The following GLI3 variants were observed in gnomAD, a reference collection of about 807,000 sequenced individuals.
GLI3 encodes transcription activator GLI3.
A neutral mutation model predicts 100.8 loss-of-function variants in GLI3; 20 were observed. The ratio of observed to expected loss-of-function variants is 0.20; its 90% CI spans 0.14 to 0.29. GLI3 has a LOEUF of 0.29. GLI3 is among the 10% of genes least tolerant of loss of function. The pLI is 1.00. For synonymous variants in GLI3, 938 were observed against 860.5 expected, an observed-to-expected ratio of 1.09 and a Z score of -1.58; for missense variants, 2,040 against 2,128.5, an observed-to-expected ratio of 0.96 and a Z score of 0.82.
At chr7:42,113,453 C>T in intron 3 of GLI3, 1 of 744,064 alleles carries the variant, frequency 1.3e-6, no homozygotes. Flanking sequence ...AAGTTGTCTG[C>T]TAAACCTGCT....
At chr7:42,143,941 C>A (rs1359010055) in intron 3 of GLI3, among the ~76,000 whole-genome samples, 1 of 152,100 alleles carries the variant, frequency 6.6e-6, no homozygotes. Context: ...CCAGCAGAGA[C>A]CCTATAATAT....
At chr7:42,074,094 C>T (rs1784833479) in intron 4 of GLI3, among the ~76,000 whole-genome samples, 1 of 152,174 alleles carries the variant, frequency 6.6e-6, no homozygotes, top group Admixed American at 6.5e-5. Flanking sequence ...AATAGAAACT[C>T]CCAGTATTTT....
intron 2 of GLI3, among the ~76,000 whole-genome samples, chr7:42,201,850 G>A (rs981069340): frequency 8.5e-5 from 13 of 152,222 alleles, no homozygotes; most frequent in Admixed American, 3.3e-4. Context: ...TTGGGAAGCC[G>A]AGGCGGGCAG....
At chr7:42,046,003 C>T (rs1030038890) in intron 5 of GLI3, among the ~76,000 whole-genome samples, 1 of 152,116 alleles carries the variant, frequency 6.6e-6, no homozygotes, top group Admixed American at 6.5e-5. Context: ...TCAGGGTTTA[C>T]CAGTATGAAA....
chr7:42,239,951 C>T (rs1008132541), upstream of GLI3, among the ~76,000 whole-genome samples: 6 of 152,162 alleles, frequency 3.9e-5, no homozygotes, highest in African/African-American at 1.4e-4. Flanking sequence ...CAAATTAAAT[C>T]TTACGTAGAA....
intron 6 of GLI3, among the ~76,000 whole-genome samples, chr7:42,042,524 T>C (rs73688626): frequency 1.9e-3 from 296 of 152,296 alleles, no homozygotes; most frequent in African/African-American, 6.8e-3. Context: ...TTCTCAATGG[T>C]ACTCAGTGAT....
chr7:42,027,800 A>T (rs770578357), intron 7 of GLI3, among the ~76,000 whole-genome samples: 1 of 152,224 alleles, frequency 6.6e-6, no homozygotes, highest in Non-Finnish European at 1.5e-5. Flanking sequence ...TTTCCTTAAT[A>T]AAGGAAAGCA....
chr7:42,087,822 G>A (rs1282059077), intron 3 of GLI3, among the ~76,000 whole-genome samples: 1 of 151,672 alleles, frequency 6.6e-6, no homozygotes, highest in East Asian at 1.9e-4. Flanking sequence ...ACTGCACACT[G>A]GGAGCATTAA....
chr7:42,096,286 G>A (rs1196603153), intron 3 of GLI3, among the ~76,000 whole-genome samples: 1 of 152,222 alleles, frequency 6.6e-6, no homozygotes, highest in Non-Finnish European at 1.5e-5. Context: ...TACCGATGGA[G>A]TCAGGGTCCC....
At chr7:42,160,249 G>A (rs922188132) in intron 2 of GLI3, among the ~76,000 whole-genome samples, 6 of 152,192 alleles carry the variant, frequency 3.9e-5, no homozygotes, top group African/African-American at 1.4e-4. Flanking sequence ...CAAGATAATT[G>A]AGCCCTGGGC....
chr7:42,090,952 C>T (rs571699480), intron 3 of GLI3, among the ~76,000 whole-genome samples: 1 of 152,336 alleles, frequency 6.6e-6, no homozygotes, highest in South Asian at 2.1e-4. Flanking sequence ...CAGTTAGGAA[C>T]TGACAAAGCT....
At chr7:42,248,319 CT>C (rs1176151508) in intron 1 of GLI3, among the ~76,000 whole-genome samples, 1 of 152,124 alleles carries the variant, frequency 6.6e-6, no homozygotes, top group Non-Finnish European at 1.5e-5. Context: ...GACTAAGAAT[CT>C]GGACTAAAAT....
At chr7:42,069,058 G>A (rs967893969) in intron 4 of GLI3, among the ~76,000 whole-genome samples, 10 of 152,172 alleles carry the variant, frequency 6.6e-5, no homozygotes, top group Admixed American at 6.5e-5. Flanking sequence ...AGGTTTGACA[G>A]CAGCCTCTAT....
At chr7:42,135,631 A>T (rs921882796) in intron 3 of GLI3, among the ~76,000 whole-genome samples, 2 of 152,238 alleles carry the variant, frequency 1.3e-5, no homozygotes, top group African/African-American at 4.8e-5. Context: ...TCCTTAGCAT[A>T]TATTTCTTTA....
intron 10 of GLI3, among the ~76,000 whole-genome samples, chr7:42,004,941 A>G (rs902259645): frequency 4.6e-5 from 7 of 152,348 alleles, no homozygotes; most frequent in Admixed American, 4.6e-4. Flanking sequence ...GAAAGGAACA[A>G]TCCAAATTAG....
intron 1 of GLI3, among the ~76,000 whole-genome samples, chr7:42,251,240 G>A (rs1408861795): frequency 6.6e-6 from 1 of 152,156 alleles, no homozygotes; most frequent in Non-Finnish European, 1.5e-5. Context: ...CACAGGTTGG[G>A]GAGTGGTATG....
chr7:42,195,151 C>T (rs1787905284), intron 2 of GLI3, among the ~76,000 whole-genome samples: 1 of 152,152 alleles, frequency 6.6e-6, no homozygotes, highest in Non-Finnish European at 1.5e-5. Flanking sequence ...ATGAAGTAGC[C>T]TCCTAATGGT....
intron 3 of GLI3, 25 bp from the exon 4 acceptor site, chr7:42,076,882 T>A (rs1379792649): frequency 7.3e-7 from 1 of 1,367,324 alleles, no homozygotes; most frequent in Non-Finnish European, 1.0e-6. Flanking sequence ...GAGCCCAATC[T>A]ATATCAAATG....
chr7:42,197,492 C>T (rs117837190), intron 2 of GLI3, among the ~76,000 whole-genome samples: 19 of 152,292 alleles, frequency 1.2e-4, no homozygotes, highest in Non-Finnish European at 2.8e-4. Context: ...TCTTAGAGAG[C>T]AGGGGGAGTT....
Sources: gnomAD v4.1 joint callset for allele counts (sites outside exome capture counted in the v4.1 genomes callset) on GRCh38, gnomAD v4.1.1 for gene constraint, MANE v1.5 for transcripts, NCBI Gene and HGNC (gene_info 2026-07-23, HGNC 2026-07-21) for gene names.